CEP104: variants seen among roughly 807,000 people sequenced by gnomAD.
CEP104 encodes the protein centrosomal protein of 104 kDa.
A neutral mutation model predicts 113.3 loss-of-function variants in CEP104; 84 were observed. The observed-to-expected ratio is 0.74, with a 90% CI of 0.62 to 0.89. CEP104 has a LOEUF of 0.89. Ranked by LOEUF, CEP104 falls within the 40% of genes least tolerant of loss-of-function variation. The pLI is 0.00. For synonymous variants in CEP104, 378 were observed against 421.7 expected (o/e 0.90, Z 1.27); for missense variants, 1,053 against 1,156.6 (o/e 0.91, Z 1.30).
intron 5 of CEP104, 111 bp from the exon 6 acceptor site, chr1:3,845,094 C>T: frequency 1.0e-6 from 1 of 969,614 alleles, no homozygotes; most frequent in Admixed American, 2.1e-5. Flanking sequence ...CAATGATCCT[C>T]ATCTTTTGGA....
chr1:3,839,933 C>T (rs1182786377), intron 6 of CEP104, among the ~76,000 whole-genome samples, 157 bp from the exon 7 acceptor site: 5 of 152,126 alleles, frequency 3.3e-5, no homozygotes, highest in Non-Finnish European at 7.3e-5. Flanking sequence ...AAGTAATGGG[C>T]CTCAGGTCAC....
At chr1:3,849,194 C>T (rs115633700) in intron 2 of CEP104, among the ~76,000 whole-genome samples, 2,279 of 151,678 alleles carry the variant, frequency 0.015, 38 homozygotes, top group South Asian at 0.071. Context: ...CTGCCTTTCA[C>T]GCATAGTGGT....
intron 4 of CEP104, among the ~76,000 whole-genome samples, 178 bp downstream of exon 4, chr1:3,847,297 C>G (rs564090083): frequency 2.0e-5 from 3 of 152,270 alleles, no homozygotes; most frequent in East Asian, 3.9e-4. Context: ...GGGCACTGGC[C>G]ACGTGTGCCC....
intron 12 of CEP104, 139 bp downstream of exon 12, chr1:3,833,723 A>G: frequency 1.3e-6 from 1 of 760,836 alleles, no homozygotes; most frequent in South Asian, 2.3e-5. Context: ...TTAGAGCATA[A>G]GGAAAGTGTG....
intron 6 of CEP104, among the ~76,000 whole-genome samples, chr1:3,841,441 T>G (rs1161938043): frequency 6.6e-6 from 1 of 152,166 alleles, no homozygotes; most frequent in Non-Finnish European, 1.5e-5. Flanking sequence ...AAGATCACAT[T>G]AACTATTTTT....
chr1:3,835,222 GATTC>G, intron 10 of CEP104, 130 bp from the exon 11 acceptor site: 1 of 587,372 alleles, frequency 1.7e-6, no homozygotes, highest in Non-Finnish European at 2.6e-6. Flanking sequence ...AAATGAAAAT[GATTC>G]ATTTCTAATA....
intron 9 of CEP104, 152 bp downstream of exon 9, chr1:3,837,140 C>G (rs1644329361): frequency 1.6e-6 from 1 of 631,288 alleles, no homozygotes; most frequent in African/African-American, 1.8e-5. Context: ...GCTATGCTCT[C>G]ACTCAGCACT....
intron 6 of CEP104, chr1:3,843,147 T>C (rs912431598): frequency 4.5e-6 from 3 of 668,762 alleles, no homozygotes; most frequent in African/African-American, 3.8e-5. Context: ...GCCCTTCCCT[T>C]CTTTCCTTTA....
rs1428784376 is a variant in CEP104, at chr1:3,819,706, C to T, written c.2572-3336G>A. Among the ~76,000 whole-genome samples the T allele has an allele frequency of 1.3e-5, 2 of 152,210 alleles. No homozygotes were observed. The highest frequency in any genetic ancestry group is 2.9e-5 in the Non-Finnish European group (2 of 68,034). On this transcript the variant is annotated intron_variant, in intron 20 of 21. Transcript: ENST00000378230. This position sits in a 1 kb window ranked among gnomAD's most constrained non-coding sequence, Gnocchi z 4.6. ...CCCACAGAAGATTGAGCAGTCTTCA[C>T]ACTCACGAGCCTGCAGGCAGGAGAG...
intron 21 of CEP104, chr1:3,816,047 C>G (rs1018754598): frequency 4.2e-6 from 2 of 475,738 alleles, no homozygotes; most frequent in Non-Finnish European, 7.5e-6. Context: ...CTAGGCCACC[C>G]GTGGAGCCTT....
At chr1:3,840,104 T>A in intron 6 of CEP104, among the ~76,000 whole-genome samples, 1 of 152,140 alleles carries the variant, frequency 6.6e-6, no homozygotes, top group Non-Finnish European at 1.5e-5. Context: ...ACAGTGAATG[T>A]GAATCAACTG....
At chr1:3,842,521 T>C (rs1644432128) in intron 6 of CEP104, among the ~76,000 whole-genome samples, 1 of 152,214 alleles carries the variant, frequency 6.6e-6, no homozygotes, top group African/African-American at 2.4e-5. Context: ...AGGCTCGCTG[T>C]CCACCAGTGC....
chr1:3,849,097 G>A (rs1052272352), intron 2 of CEP104, among the ~76,000 whole-genome samples: 4 of 151,978 alleles, frequency 2.6e-5, no homozygotes, highest in East Asian at 1.9e-4. Context: ...CTTATGAGGC[G>A]GCACTAGTGG....
rs145055917 is a variant in CEP104 at position 3,845,329 on chromosome 1, A to G, written c.449T>C (p.Ile150Thr). The G allele has an allele frequency of 6.2e-7, 1 of 1,609,172 alleles. No homozygotes were observed. The highest frequency in any genetic ancestry group is 1.7e-5 in the Admixed American group (1 of 59,604). ...ACTGAAATCTGCAGGGTCTCCAATGATATTTATGGCAACCAAAGCAACCTA... is the reference window on the plus strand; with the variant it reads ...ACTGAAATCTGCAGGGTCTCCAATGGTATTTATGGCAACCAAAGCAACCTA... ...YNQVALVAIN[I>T]IGDPADFSDE... Residue 150 changes from isoleucine (I) to threonine (T), a missense_variant, in exon 5 of 22, where the codon ATC becomes ACC. Physicochemically the swap from Ile to Thr is moderately conservative, Grantham distance 89. Coordinates refer to ENST00000378230, the MANE Select transcript of CEP104 (RefSeq NM_014704.4).
intron 1 of CEP104, 78 bp downstream of exon 1, chr1:3,856,811 G>A (rs529748592): frequency 0.014 from 1,942 of 133,976 alleles, 35 homozygotes; most frequent in South Asian, 0.07. Flanking sequence ...CCGCGCCCCC[G>A]CGGCGCCCGC....
chr1:3,834,867 G>A, intron 11 of CEP104, 58 bp downstream of exon 11: 1 of 1,486,682 alleles, frequency 6.7e-7, no homozygotes, highest in Non-Finnish European at 9.1e-7. Context: ...GTCTTCTGTG[G>A]TACGGCGCAT....
rs988060283 is a variant in CEP104, at chr1:3,813,904, G to A, written c.*1498C>T. The A allele has an allele frequency of 7.2e-5, 11 of 151,998 alleles. No homozygotes were observed. The highest frequency in any genetic ancestry group is 2.2e-4 in the African/African-American group (9 of 41,376). The allele number at this position is 151,998 out of a possible 1,614,324, so 9.4% of individuals were successfully genotyped here. On this transcript the variant is annotated 3_prime_UTR_variant, in exon 22 of 22. Coordinates refer to ENST00000378230, the MANE Select transcript of CEP104 (RefSeq NM_014704.4). ...GCATATTCTTAAAGGTTCCTGGTAG[G>A]TCTTATATCTTACTCAGTATTCTCA... is the stretch of plus-strand genomic sequence containing the variant.
rs1644010924 is a variant in CEP104 at position 3,823,097 on chromosome 1, C to T, written c.2571+77G>A. 7.3e-7 allele frequency: 1 copy of T among 1,375,956 alleles called. No individual in the cohort carries two copies. Among genetic ancestry groups the T allele is most frequent in the Non-Finnish European group, 1.0e-6 (1 of 967,428 alleles). The allele number at this position is 1,375,956 out of a possible 1,614,324, so 85.2% of individuals were successfully genotyped here. A position where few individuals can be genotyped will look rare whatever the true frequency, so the allele number is the denominator to read the frequency against. ...CTCTGTGGCTATGGTCCCGCACTGACACCACCACTGTCACCACCACTGCCA... is the reference window on the plus strand; with the variant it reads ...CTCTGTGGCTATGGTCCCGCACTGATACCACCACTGTCACCACCACTGCCA... On this transcript the variant is annotated intron_variant, in intron 20 of 21. Coordinates refer to ENST00000378230, the MANE Select transcript of CEP104 (RefSeq NM_014704.4). The surrounding 1 kb of genome is among the most constrained non-coding windows in gnomAD (Gnocchi z 4.1).
Position 3,852,469 on chromosome 1 carries a change from A to T in CEP104, c.-14-48T>A, listed in dbSNP as rs3819006. ...CTTCTTTAAAACAAAGGAATTCACT[A>T]ACACATGGACATTTAAAGGGTTGGT... is the stretch of plus-strand genomic sequence containing the variant. On this transcript the variant is annotated intron_variant, in intron 1 of 21. Coordinates refer to ENST00000378230, the MANE Select transcript of CEP104 (RefSeq NM_014704.4). 430,236 of 1,551,356 alleles carry T rather than the reference A, an allele frequency of 0.28. 62,384 individuals carry two copies. The highest frequency in any genetic ancestry group is 0.5 in the African/African-American group (36,799 of 73,528).
Sources: allele counts gnomAD v4.1 joint callset (sites outside exome capture counted in the v4.1 genomes callset), GRCh38; gene constraint gnomAD v4.1.1; non-coding constraint Gnocchi (gnomAD v3.1); transcripts MANE v1.5; gene names NCBI Gene and HGNC (gene_info 2026-07-23, HGNC 2026-07-21).